DLGAP2: variants seen among roughly 807,000 people sequenced by gnomAD.
The protein encoded by DLGAP2 is disks large-associated protein 2.
DLGAP2 carries 26 observed loss-of-function variants against 100.3 expected under a neutral mutation model. The ratio of observed to expected loss-of-function variants is 0.26; its 90% CI spans 0.19 to 0.36. The LOEUF (loss-of-function observed/expected upper bound fraction) is 0.36. Ranked by LOEUF, DLGAP2 falls within the 10% of genes least tolerant of loss-of-function variation. The probability of loss-of-function intolerance (pLI) is 1.00; values close to 1 mark genes in which losing one functional copy is unlikely to be tolerated. For synonymous variants in DLGAP2, 886 were observed against 630.1 expected, an observed-to-expected ratio of 1.41 and a Z score of -6.08; for missense variants, 1,858 against 1,453.2, an observed-to-expected ratio of 1.28 and a Z score of -4.53.
intron 2 of DLGAP2, among the ~76,000 whole-genome samples, chr8:1,077,744 C>A (rs574799730): frequency 8.7e-4 from 132 of 152,146 alleles, no homozygotes; most frequent in Non-Finnish European, 1.6e-3. Flanking sequence ...AGAGATTAGC[C>A]CACGCAGTGG....
At chr8:1,113,512 G>A (rs1805024371) in intron 2 of DLGAP2, among the ~76,000 whole-genome samples, 1 of 152,106 alleles carries the variant, frequency 6.6e-6, no homozygotes, top group African/African-American at 2.4e-5. Flanking sequence ...GCTGTTTTTG[G>A]TGTGTAAGAA....
At chr8:1,304,967 A>T (rs1027175575) in intron 3 of DLGAP2, among the ~76,000 whole-genome samples, 1 of 152,216 alleles carries the variant, frequency 6.6e-6, no homozygotes, top group African/African-American at 2.4e-5. Flanking sequence ...AGTGAGACAG[A>T]TACGAGTTGG....
intron 2 of DLGAP2, among the ~76,000 whole-genome samples, chr8:1,206,602 AGC>A (rs1797999498): frequency 3.3e-5 from 3 of 89,952 alleles, no homozygotes; most frequent in South Asian, 3.8e-4. Context: ...GTTAATCTCC[AGC>A]CATCCGTGGA....
At position 1,270,828 on chromosome 8, in the gene DLGAP2, C is replaced by G. The variant is rs541627878; in HGVS notation, c.106+11945C>G. Among the ~76,000 whole-genome samples the G allele has an allele frequency of 4.6e-5, 7 of 151,822 alleles. No homozygotes were observed. In the South Asian group the frequency reaches 8.4e-4, roughly 18 times the overall value. On this transcript the variant is annotated intron_variant, in intron 3 of 14. Coordinates refer to ENST00000637795, the MANE Select transcript of DLGAP2 (RefSeq NM_001346810.2). Reference sequence around the variant, plus strand: ...TCTGTGTGTGTGTGTGTCTACCTCTCTGTGTGTGTGTCTACAGAGTGAAAC... The same window carrying G: ...TCTGTGTGTGTGTGTGTCTACCTCTGTGTGTGTGTGTCTACAGAGTGAAAC...
chr8:1,576,416 G>A (rs1802980302), intron 6 of DLGAP2, among the ~76,000 whole-genome samples: 1 of 152,146 alleles, frequency 6.6e-6, no homozygotes, highest in Non-Finnish European at 1.5e-5. Context: ...CATTCTGTAG[G>A]TTGCCTGTTC....
At chr8:1,588,633 G>C (rs1449792832) in intron 6 of DLGAP2, among the ~76,000 whole-genome samples, 1 of 151,494 alleles carries the variant, frequency 6.6e-6, no homozygotes. Context: ...AGGGTGCTGT[G>C]GCTCAGGCCT....
intron 3 of DLGAP2, chr8:1,300,850 C>G (rs748858488): frequency 6.6e-6 from 1 of 152,230 alleles, no homozygotes; most frequent in Non-Finnish European, 1.5e-5. Flanking sequence ...TGTATGATTT[C>G]ATCCTTGTCT....
chr8:1,064,475 A>G (rs1239729049), intron 2 of DLGAP2, among the ~76,000 whole-genome samples: 1 of 152,256 alleles, frequency 6.6e-6, no homozygotes. Flanking sequence ...AACCAAATGC[A>G]TTAATAACTT....
chr8:1,301,143 C>T (rs886550362), intron 3 of DLGAP2: 4 of 152,380 alleles, frequency 2.6e-5, no homozygotes, highest in Admixed American at 2.6e-4. Flanking sequence ...TGGCTGTGTC[C>T]CATGGTTAGC....
At chr8:1,471,494 C>G (rs749507125) in intron 3 of DLGAP2, among the ~76,000 whole-genome samples, 1 of 151,754 alleles carries the variant, frequency 6.6e-6, no homozygotes, top group Non-Finnish European at 1.5e-5. Context: ...GGCCTGTGCA[C>G]CATGGCCAAC....
intron 3 of DLGAP2, among the ~76,000 whole-genome samples, chr8:1,435,527 G>C (rs976962499): frequency 6.6e-6 from 1 of 152,140 alleles, no homozygotes; most frequent in East Asian, 1.9e-4. Flanking sequence ...CGGAAGTGTA[G>C]CCGTAGAGGG....
intron 1 of DLGAP2, among the ~76,000 whole-genome samples, chr8:815,231 G>A (rs1044388366): frequency 1.3e-5 from 2 of 152,190 alleles, no homozygotes; most frequent in African/African-American, 4.8e-5. Context: ...GGTCTGGTGA[G>A]GGCTGCTGTC....
At chr8:1,186,015 G>A (rs13261832) in intron 2 of DLGAP2, among the ~76,000 whole-genome samples, 74,169 of 151,944 alleles carry the variant, frequency 0.49, 18,366 homozygotes, top group Non-Finnish European at 0.53. Context: ...CTGTCCCTGT[G>A]TTCATGAGTG....
At chr8:1,522,823 A>G (rs1800653947) in intron 4 of DLGAP2, among the ~76,000 whole-genome samples, 2 of 152,226 alleles carry the variant, frequency 1.3e-5, no homozygotes, top group Admixed American at 6.5e-5. Flanking sequence ...ATTCTCTTTA[A>G]TAGCCTCATG....
intron 3 of DLGAP2, among the ~76,000 whole-genome samples, chr8:1,492,432 A>T (rs1356371682): frequency 6.6e-6 from 1 of 152,232 alleles, no homozygotes; most frequent in Admixed American, 6.5e-5. Context: ...AGAAGAATCT[A>T]GAAATGGGGC....
At chr8:1,550,206 A>G (rs1801715422) in intron 5 of DLGAP2, among the ~76,000 whole-genome samples, 1 of 152,100 alleles carries the variant, frequency 6.6e-6, no homozygotes, top group African/African-American at 2.4e-5. Flanking sequence ...TCCTTCTTTC[A>G]AAGACTGAGT....
intron 3 of DLGAP2, among the ~76,000 whole-genome samples, chr8:1,318,471 T>G (rs1800818015): frequency 6.6e-6 from 1 of 150,412 alleles, no homozygotes; most frequent in Non-Finnish European, 1.5e-5. Flanking sequence ...GTTAGCAAAA[T>G]GGCAGCCCTC....
intron 2 of DLGAP2, among the ~76,000 whole-genome samples, chr8:1,038,449 G>A (rs184909733): frequency 4.6e-5 from 7 of 152,180 alleles, no homozygotes; most frequent in African/African-American, 7.2e-5. Flanking sequence ...TGGGTAAAAT[G>A]ATGGTGTTGG....
intron 2 of DLGAP2, among the ~76,000 whole-genome samples, chr8:1,233,973 A>T (rs189912671): frequency 6.6e-6 from 1 of 152,202 alleles, no homozygotes; most frequent in Non-Finnish European, 1.5e-5. Flanking sequence ...CAGGTGGTCA[A>T]TAGGCCTGCA....
Sources: gnomAD v4.1 joint callset for allele counts (sites outside exome capture counted in the v4.1 genomes callset) on GRCh38, gnomAD v4.1.1 for gene constraint, MANE v1.5 for transcripts, NCBI Gene and HGNC (gene_info 2026-07-23, HGNC 2026-07-21) for gene names.